Variants in MARCHF1 observed in about 807,000 individuals in gnomAD.
MARCHF1 encodes membrane associated ring-CH-type finger 1, also known as E3 ubiquitin-protein ligase MARCHF1.
Under a neutral mutation model 54.2 loss-of-function variants are expected in MARCHF1, and 40 were observed. The observed-to-expected ratio is 0.74, with a 90% CI of 0.57 to 0.96. The LOEUF is 0.96. MARCHF1 is among the 40% of genes least tolerant of loss of function. MARCHF1 has a pLI of 0.00. For synonymous variants in MARCHF1, 236 were observed against 236.3 expected (o/e 1.00, Z 0.01); for missense variants, 586 against 656.5 (o/e 0.89, Z 1.17).
At chr4:163,529,092 T>G in intron 9 of MARCHF1, 46 bp from the exon 10 acceptor site, 1 of 1,481,630 alleles carries the variant, frequency 6.7e-7, no homozygotes, top group African/African-American at 1.5e-5. Context: ...TTGTCCTCAG[T>G]GGATTTGGTC....
intron 1 of MARCHF1, among the ~76,000 whole-genome samples, chr4:164,324,795 A>T (rs1332434817): frequency 6.6e-6 from 1 of 151,434 alleles, no homozygotes; most frequent in East Asian, 1.9e-4. Context: ...AAAACAAATG[A>T]TTGAGGAAGA....
intron 1 of MARCHF1, among the ~76,000 whole-genome samples, chr4:164,359,562 G>T (rs933643211): frequency 6.6e-6 from 1 of 152,100 alleles, no homozygotes; most frequent in Non-Finnish European, 1.5e-5. Flanking sequence ...CTCTATATAG[G>T]AAAGTGAATA....
intron 2 of MARCHF1, among the ~76,000 whole-genome samples, chr4:164,039,983 AT>A (rs1287549575): frequency 7.5e-5 from 11 of 147,490 alleles, no homozygotes; most frequent in South Asian, 2.1e-4. Context: ...ATATATATAT[AT>A]AAACTATATA....
intron 1 of MARCHF1, among the ~76,000 whole-genome samples, chr4:164,328,532 A>AT (rs940488215): frequency 2.4e-3 from 350 of 145,692 alleles, no homozygotes; most frequent in African/African-American, 5.1e-3. Flanking sequence ...GTCATATGAA[A>AT]TTTTTTTTTT....
At chr4:163,946,474 C>T (rs1752029024) in intron 3 of MARCHF1, among the ~76,000 whole-genome samples, 1 of 152,106 alleles carries the variant, frequency 6.6e-6, no homozygotes, top group South Asian at 2.1e-4. Flanking sequence ...TGTATTTTTG[C>T]ACCTATCCAA....
intron 2 of MARCHF1, among the ~76,000 whole-genome samples, chr4:164,029,073 G>A (rs59528818): frequency 0.035 from 5,293 of 152,218 alleles, 267 homozygotes; most frequent in African/African-American, 0.12. Flanking sequence ...TGAGAAATGC[G>A]TAAGAAATAT....
chr4:163,929,619 T>A (rs1205520258), intron 3 of MARCHF1, among the ~76,000 whole-genome samples: 1 of 151,688 alleles, frequency 6.6e-6, no homozygotes, highest in Non-Finnish European at 1.5e-5. Context: ...GGTATATATA[T>A]CAATATGTCA....
intron 5 of MARCHF1, among the ~76,000 whole-genome samples, chr4:163,698,065 C>T (rs1744690240): frequency 6.6e-6 from 1 of 152,176 alleles, no homozygotes; most frequent in Admixed American, 6.5e-5. Flanking sequence ...GAGGTAGATA[C>T]TAATATATAT....
At chr4:163,697,023 G>A (rs1744656229) in intron 5 of MARCHF1, among the ~76,000 whole-genome samples, 1 of 152,046 alleles carries the variant, frequency 6.6e-6, no homozygotes, top group Admixed American at 6.6e-5. Context: ...ATCAGCAAAG[G>A]GAAAAGGCAC....
At chr4:163,569,422 C>T (rs950533413) in intron 8 of MARCHF1, among the ~76,000 whole-genome samples, 8 of 152,024 alleles carry the variant, frequency 5.3e-5, no homozygotes, top group African/African-American at 9.7e-5. Context: ...ACACTTTGAA[C>T]GAAAATTCTA....
At chr4:163,730,745 T>TC (rs1745801119) in intron 4 of MARCHF1, among the ~76,000 whole-genome samples, 1 of 152,152 alleles carries the variant, frequency 6.6e-6, no homozygotes, top group East Asian at 1.9e-4. Context: ...CTAAAGGTCT[T>TC]CTCAGGTCTT....
chr4:164,267,796 G>A (rs2111298656), intron 1 of MARCHF1, among the ~76,000 whole-genome samples: 1 of 152,246 alleles, frequency 6.6e-6, no homozygotes, highest in East Asian at 1.9e-4. Context: ...TGCAAAGAGA[G>A]CCAGCAAATA....
intron 5 of MARCHF1, among the ~76,000 whole-genome samples, chr4:163,628,732 C>G (rs916924211): frequency 5.3e-5 from 8 of 152,170 alleles, no homozygotes; most frequent in African/African-American, 1.9e-4. Flanking sequence ...GCAAAAATCA[C>G]AAGCATTCCT....
intron 8 of MARCHF1, among the ~76,000 whole-genome samples, chr4:163,560,124 T>C (rs1219030278): frequency 6.6e-6 from 1 of 152,228 alleles, no homozygotes; most frequent in Non-Finnish European, 1.5e-5. Context: ...TTGCTTTTGG[T>C]GTTACATCCA....
At chr4:164,014,135 T>C (rs1430539929) in intron 2 of MARCHF1, among the ~76,000 whole-genome samples, 1 of 149,762 alleles carries the variant, frequency 6.7e-6, no homozygotes, top group Non-Finnish European at 1.5e-5. Flanking sequence ...GAGGTTGCAG[T>C]GACCCGAGAT....
At chr4:163,607,707 T>C (rs1297527415) in intron 7 of MARCHF1, among the ~76,000 whole-genome samples, 1 of 152,174 alleles carries the variant, frequency 6.6e-6, no homozygotes, top group Non-Finnish European at 1.5e-5. Context: ...TTTTCTCTCC[T>C]TTCTCTTCCT....
In MARCHF1 at chr4:163,995,210, C is replaced by T. The variant is rs190441833; in HGVS notation, c.-247-6501G>A. Among the ~76,000 whole-genome samples, 560 of 152,170 alleles carry T rather than the reference C, an allele frequency of 3.7e-3. 10 individuals are homozygous for T. The highest frequency in any genetic ancestry group is 1.3e-3 in the Non-Finnish European group (86 of 67,988). On this transcript the variant is annotated intron_variant, in intron 2 of 9. Transcript: ENST00000514618. The stretch of plus-strand genomic sequence containing the variant: ...AGGTTCAATGAGTTTGCTAGAGAGG[C>T]TCACAGAACTCAGGGAAATATTCAG...
chr4:163,633,806 A>G (rs971332105), intron 5 of MARCHF1, among the ~76,000 whole-genome samples: 6 of 152,082 alleles, frequency 3.9e-5, no homozygotes, highest in Non-Finnish European at 8.8e-5. Context: ...AGATTCACCA[A>G]AGTTGAAATG....
intron 2 of MARCHF1, among the ~76,000 whole-genome samples, chr4:164,033,333 C>A (rs1360056597): frequency 1.3e-5 from 2 of 152,090 alleles, no homozygotes; most frequent in South Asian, 2.1e-4. Context: ...TAGAAGAAAA[C>A]TGAGGCAATA....
Sources: allele counts gnomAD v4.1 joint callset (sites outside exome capture counted in the v4.1 genomes callset), GRCh38; gene constraint gnomAD v4.1.1; transcripts MANE v1.5; gene names NCBI Gene and HGNC (gene_info 2026-07-23, HGNC 2026-07-21).